The following PCDHGA9 variants were observed in gnomAD, a reference collection of about 807,000 sequenced individuals.
PCDHGA9 encodes the protein protocadherin gamma subfamily A, 9, also known as protocadherin gamma-A9.
PCDHGA9 carries 37 observed loss-of-function variants against 62.5 expected under a neutral mutation model. That is an observed-to-expected ratio of 0.59 (90% CI 0.46 to 0.78). The LOEUF (loss-of-function observed/expected upper bound fraction) is 0.78. Among genes scored for constraint, PCDHGA9 ranks in the 30% least tolerant of loss-of-function variants. The pLI, the probability that PCDHGA9 is intolerant of heterozygous loss-of-function variation, is 0.00. For synonymous variants in PCDHGA9, 459 were observed against 484.6 expected, an observed-to-expected ratio of 0.95 and a Z score of 0.69; for missense variants, 1,138 against 1,166.2, an observed-to-expected ratio of 0.98 and a Z score of 0.35.
intron 1 of PCDHGA9, chr5:141,419,843 C>T: frequency 6.2e-7 from 1 of 1,614,070 alleles, no homozygotes; most frequent in Non-Finnish European, 8.5e-7. Flanking sequence ...CACGCTGCAC[C>T]TGGTGTTCGC....
chr5:141,456,389 TTTGA>T (rs1181323617), intron 1 of PCDHGA9, among the ~76,000 whole-genome samples: 2 of 152,074 alleles, frequency 1.3e-5, no homozygotes, highest in Non-Finnish European at 2.9e-5. Flanking sequence ...CCGTTTGGAG[TTTGA>T]TTGCTTCTAG....
chr5:141,501,621 A>T (rs1348614977), intron 2 of PCDHGA9, among the ~76,000 whole-genome samples: 1 of 152,100 alleles, frequency 6.6e-6, no homozygotes, highest in Non-Finnish European at 1.5e-5. Context: ...ACTCTGGTAT[A>T]GTCTCTCAAC....
chr5:141,433,098 T>G, intron 1 of PCDHGA9: 1 of 1,614,204 alleles, frequency 6.2e-7, no homozygotes, highest in Non-Finnish European at 8.5e-7. Context: ...GACATGCTCG[T>G]CAGCCAGGAG....
chr5:141,418,867 A>T, intron 1 of PCDHGA9: 1 of 1,613,968 alleles, frequency 6.2e-7, no homozygotes, highest in Non-Finnish European at 8.5e-7. Context: ...TAATTGTAGA[A>T]GTTGTAGACG....
Position 141,491,883 on chromosome 5 carries a change from G to T in PCDHGA9, c.2425-2924G>T. On this transcript the variant is annotated intron_variant, in intron 1 of 3. Transcript: ENST00000573521. The surrounding 1 kb of genome is among the most constrained non-coding windows in gnomAD (Gnocchi z 6.9). The stretch of plus-strand genomic sequence containing the variant: ...AAACCAGAGTGGCCGATTAAGGGAT[G>T]GGGCTCCGAGCACCGGGGGTGGTGG... 1 of 1,446,756 alleles carries T rather than the reference G, an allele frequency of 6.9e-7. No individual in the cohort carries two copies. Among genetic ancestry groups the T allele is most frequent in the South Asian group, 1.5e-5 (1 of 67,644 alleles). 89.6% of individuals were successfully genotyped at this position (1,446,756 alleles called of 1,614,324 possible). A position where few individuals can be genotyped will look rare whatever the true frequency, so the allele number is the denominator to read the frequency against.
At chr5:141,505,028 G>A (rs2099842951) in intron 2 of PCDHGA9, among the ~76,000 whole-genome samples, 1 of 152,164 alleles carries the variant, frequency 6.6e-6, no homozygotes, top group Admixed American at 6.5e-5. Flanking sequence ...CTGGCACAGT[G>A]GCAGGTGCCT....
chr5:141,418,264 A>C, intron 1 of PCDHGA9: 1 of 1,614,082 alleles, frequency 6.2e-7, no homozygotes, highest in Non-Finnish European at 8.5e-7. Flanking sequence ...AATTCCGGAA[A>C]GATGAAATAA....
chr5:141,403,972 A>G lies in PCDHGA9; in HGVS notation c.1020A>G (p.Val340=). 1 of 1,613,968 alleles carries G rather than the reference A, an allele frequency of 6.2e-7. No homozygotes were observed. Among genetic ancestry groups the G allele is most frequent in the East Asian group, 2.2e-5 (1 of 44,864 alleles). Reference sequence around the variant, plus strand: ...AAGTGCTCATTTCGGTGGAAGATGTAAATGACAATAGACCTGAAGTGACCA... The same window carrying G: ...AAGTGCTCATTTCGGTGGAAGATGTGAATGACAATAGACCTGAAGTGACCA... ...WTKVLISVED[V]NDNRPEVTIT... The change falls in exon 1 of 4, where the codon GTA becomes GTG. Residue 340 remains valine (V), a synonymous_variant. Transcript: ENST00000573521.
intron 1 of PCDHGA9, chr5:141,410,620 G>T (rs765125633): frequency 6.2e-7 from 1 of 1,603,524 alleles, no homozygotes. Flanking sequence ...CTCTGACTTC[G>T]GTGAGTTTCT....
At chr5:141,420,327 A>G in intron 1 of PCDHGA9, 1 of 1,425,478 alleles carries the variant, frequency 7.0e-7, no homozygotes, top group South Asian at 1.5e-5. Context: ...ATGCCAATAT[A>G]TTCCAATATA....
intron 1 of PCDHGA9, among the ~76,000 whole-genome samples, chr5:141,462,783 T>A (rs1313584666): frequency 6.6e-6 from 1 of 152,236 alleles, no homozygotes; most frequent in Non-Finnish European, 1.5e-5. Flanking sequence ...CATAATTTGT[T>A]GCTTATTTGC....
At chr5:141,430,575 A>G in intron 1 of PCDHGA9, 2 of 455,822 alleles carry the variant, frequency 4.4e-6, no homozygotes, top group East Asian at 3.5e-5. Flanking sequence ...AAAAGCGGAG[A>G]TCCTGCTCGC....
At position 141,404,879 on chromosome 5, in the gene PCDHGA9, G is replaced by C. The variant is rs770577946; in HGVS notation, c.1927G>C (p.Val643Leu). ...TAGAGATGCGCTCAAACAGAGCCTTGTGGTGGCTGTACAGGACCATGGCCA... is the reference window on the plus strand; with the variant it reads ...TAGAGATGCGCTCAAACAGAGCCTTCTGGTGGCTGTACAGGACCATGGCCA... Reference protein sequence around the residue: ...LDRDALKQSLVVAVQDHGQPP... With the variant: ...LDRDALKQSLLVAVQDHGQPP... The change falls in exon 1 of 4, where the codon GTG (valine) becomes CTG (leucine). Residue 643 changes from valine to leucine, a missense_variant. Val to Leu is a conservative substitution (Grantham distance 32). Coordinates refer to ENST00000573521, the MANE Select transcript of PCDHGA9 (RefSeq NM_018921.3). 1 of 1,613,906 alleles carries C rather than the reference G, an allele frequency of 6.2e-7. No homozygotes were observed. Among genetic ancestry groups the C allele is most frequent in the Non-Finnish European group, 8.5e-7 (1 of 1,179,896 alleles).
At position 141,511,148 on chromosome 5, in the gene PCDHGA9, A is replaced by C; in HGVS notation, c.2774A>C (p.Lys925Thr). Residue 925 changes from lysine to threonine, a missense_variant, in exon 4 of 4, where the codon AAG (lysine) becomes ACG (threonine). Coordinates refer to ENST00000573521, the MANE Select transcript of PCDHGA9 (RefSeq NM_018921.3). ...APAGGNGNKKKSGKKEKK is the reference protein window; with the variant it reads ...APAGGNGNKKTSGKKEKK ...GCAGGTGGCAATGGCAACAAGAAGA[A>C]GTCGGGCAAGAAGGAGAAGAAGTAA... is the stretch of plus-strand genomic sequence containing the variant. The C allele has an allele frequency of 6.2e-7, 1 of 1,614,202 alleles. No individual in the cohort carries two copies. Among genetic ancestry groups the C allele is most frequent in the East Asian group, 2.2e-5 (1 of 44,882 alleles).
intron 1 of PCDHGA9, among the ~76,000 whole-genome samples, chr5:141,461,054 T>C (rs984461416): frequency 6.6e-6 from 1 of 151,758 alleles, no homozygotes; most frequent in African/African-American, 2.4e-5. Context: ...GGGACTTAGG[T>C]TGGTTTCACA....
At chr5:141,415,885 C>G in intron 1 of PCDHGA9, 2 of 979,016 alleles carry the variant, frequency 2.0e-6, no homozygotes, top group Non-Finnish European at 2.7e-6. Flanking sequence ...ACAATATTGA[C>G]AATTCCTAAG....
intron 1 of PCDHGA9, chr5:141,410,478 C>G (rs767257836): frequency 6.2e-7 from 1 of 1,613,992 alleles, no homozygotes; most frequent in Non-Finnish European, 8.5e-7. Context: ...ATTGCACATA[C>G]GGGTACAAAA....
At chr5:141,413,230 C>A in intron 1 of PCDHGA9, 1 of 1,613,942 alleles carries the variant, frequency 6.2e-7, no homozygotes. Context: ...CGGGCTGGTC[C>A]TGCTCTGCCT....
intron 1 of PCDHGA9, chr5:141,421,621 C>T (rs2154549322): frequency 6.2e-7 from 1 of 1,613,772 alleles, no homozygotes; most frequent in Non-Finnish European, 8.5e-7. Flanking sequence ...TGATAACGCC[C>T]CCAGCTTCCA....
Sources: allele counts gnomAD v4.1 joint callset (sites outside exome capture counted in the v4.1 genomes callset), GRCh38; gene constraint gnomAD v4.1.1; non-coding constraint Gnocchi (gnomAD v3.1); transcripts MANE v1.5; gene names NCBI Gene and HGNC (gene_info 2026-07-23, HGNC 2026-07-21).